The following CTNNA3 variants were observed in gnomAD, a reference collection of about 807,000 sequenced individuals.
The protein encoded by CTNNA3 is catenin alpha-3.
A neutral mutation model predicts 95.7 loss-of-function variants in CTNNA3; 76 were observed. The ratio of observed to expected loss-of-function variants is 0.79; its 90% CI spans 0.66 to 0.96. CTNNA3 has a LOEUF of 0.96. Among genes scored for constraint, CTNNA3 ranks in the 40% least tolerant of loss-of-function variants. The probability of loss-of-function intolerance (pLI) is 0.00; values close to 1 mark genes in which losing one functional copy is unlikely to be tolerated. For synonymous variants in CTNNA3, 431 were observed against 374.4 expected, an observed-to-expected ratio of 1.15 and a Z score of -1.74; for missense variants, 1,191 against 1,089.8, an observed-to-expected ratio of 1.09 and a Z score of -1.31.
intron 1 of CTNNA3, among the ~76,000 whole-genome samples, chr10:67,693,177 A>G (rs529055401): frequency 1.3e-5 from 2 of 152,364 alleles, no homozygotes; most frequent in East Asian, 1.9e-4. Flanking sequence ...GGTTAAAAAC[A>G]GTATTTAAGC....
intron 13 of CTNNA3, among the ~76,000 whole-genome samples, chr10:66,142,477 G>T (rs1451013280): frequency 6.6e-6 from 1 of 151,896 alleles, no homozygotes; most frequent in African/African-American, 2.4e-5. Flanking sequence ...ATATTGTCTT[G>T]TCTATTCCAG....
At chr10:67,429,083 T>G (rs1421168425) in intron 5 of CTNNA3, among the ~76,000 whole-genome samples, 3 of 152,056 alleles carry the variant, frequency 2.0e-5, no homozygotes, top group African/African-American at 4.8e-5. Flanking sequence ...TTATGATGTT[T>G]GTTTTTATCC....
At chr10:66,970,492 T>C (rs1325248654) in intron 7 of CTNNA3, among the ~76,000 whole-genome samples, 4 of 114,868 alleles carry the variant, frequency 3.5e-5, no homozygotes, top group South Asian at 3.0e-4. Flanking sequence ...AAAAGGTCTA[T>C]ATTCTTGGGT....
At chr10:67,358,085 C>G (rs564740503) in intron 5 of CTNNA3, among the ~76,000 whole-genome samples, 5 of 150,306 alleles carry the variant, frequency 3.3e-5, no homozygotes, top group Non-Finnish European at 7.4e-5. Context: ...TAACCATATG[C>G]AAAAAAAAAT....
chr10:66,803,960 GTTTTT>G (rs199784517), intron 7 of CTNNA3, among the ~76,000 whole-genome samples: 1 of 135,100 alleles, frequency 7.4e-6, no homozygotes, highest in Admixed American at 7.4e-5. Context: ...GATGCCAGTT[GTTTTT>G]TTTTTTTTTA....
chr10:66,286,338 G>C (rs1406995788), intron 12 of CTNNA3, among the ~76,000 whole-genome samples: 1 of 151,866 alleles, frequency 6.6e-6, no homozygotes, highest in African/African-American at 2.4e-5. Flanking sequence ...CCAGGGATCT[G>C]GTTTCTGCTA....
At chr10:67,137,001 G>C (rs745481026) in intron 7 of CTNNA3, among the ~76,000 whole-genome samples, 14 of 152,178 alleles carry the variant, frequency 9.2e-5, no homozygotes, top group Non-Finnish European at 1.8e-4. Context: ...TCCAACATCA[G>C]AGTAGAAACA....
chr10:66,377,948 C>T (rs552937780), intron 12 of CTNNA3, among the ~76,000 whole-genome samples: 6 of 152,168 alleles, frequency 3.9e-5, no homozygotes, highest in African/African-American at 1.2e-4. Flanking sequence ...TTTATCTTTC[C>T]TTACCACATT....
At chr10:66,503,990 T>C (rs1472997882) in intron 11 of CTNNA3, among the ~76,000 whole-genome samples, 1 of 152,196 alleles carries the variant, frequency 6.6e-6, no homozygotes, top group Non-Finnish European at 1.5e-5. Flanking sequence ...TATGTATATA[T>C]TATAGAATGG....
intron 5 of CTNNA3, among the ~76,000 whole-genome samples, chr10:67,262,560 G>C (rs1866662749): frequency 6.6e-6 from 1 of 152,080 alleles, no homozygotes; most frequent in Admixed American, 6.6e-5. Context: ...AGAGGTCTAG[G>C]ATCTGTGGAT....
At chr10:66,438,612 C>G (rs2093354279) in intron 11 of CTNNA3, among the ~76,000 whole-genome samples, 1 of 152,110 alleles carries the variant, frequency 6.6e-6, no homozygotes, top group African/African-American at 2.4e-5. Context: ...GAATTTCAAG[C>G]CATGGAGCTT....
intron 13 of CTNNA3, among the ~76,000 whole-genome samples, chr10:66,234,639 A>C (rs998942051): frequency 1.3e-5 from 2 of 152,240 alleles, no homozygotes; most frequent in Non-Finnish European, 2.9e-5. Flanking sequence ...GGTGACCTAC[A>C]TCCCTAAGGC....
intron 7 of CTNNA3, among the ~76,000 whole-genome samples, chr10:66,891,083 A>T (rs1178824372): frequency 6.6e-6 from 1 of 152,106 alleles, no homozygotes; most frequent in Admixed American, 6.5e-5. Flanking sequence ...CCATATCTCC[A>T]ATCCAAATCT....
chr10:66,061,853 T>A (rs1334706927), intron 15 of CTNNA3, among the ~76,000 whole-genome samples: 1 of 152,136 alleles, frequency 6.6e-6, no homozygotes, highest in Admixed American at 6.6e-5. Flanking sequence ...TCTTCCAAAA[T>A]CCTAACAGAT....
In CTNNA3 at chr10:67,695,709, T is replaced by A. The variant is rs1840951064; in HGVS notation, c.-6+291A>T. Among the ~76,000 whole-genome samples the A allele has an allele frequency of 3.3e-5, 5 of 152,290 alleles. No homozygotes were observed. The South Asian group carries it at 8.3e-4, about 25-fold the overall frequency. ...ATATCTTATCTTTTCCTGCACAGTA[T>A]CCAATCGGCTTTTTATAGCCAGAAA... is the stretch of plus-strand genomic sequence containing the variant. On this transcript the variant is annotated intron_variant, in intron 1 of 17. Coordinates refer to ENST00000433211, the MANE Select transcript of CTNNA3 (RefSeq NM_013266.4).
intron 5 of CTNNA3, among the ~76,000 whole-genome samples, chr10:67,454,045 T>C (rs372983473): frequency 6.6e-6 from 1 of 152,164 alleles, no homozygotes; most frequent in South Asian, 2.1e-4. Context: ...AAATAAAATA[T>C]GCATTGGATA....
At chr10:67,629,996 G>T (rs1191683240) in intron 2 of CTNNA3, among the ~76,000 whole-genome samples, 1 of 152,082 alleles carries the variant, frequency 6.6e-6, no homozygotes, top group Non-Finnish European at 1.5e-5. Flanking sequence ...GATGCTAACG[G>T]GACCAATTCA....
At chr10:67,254,628 C>T (rs1479939256) in intron 5 of CTNNA3, among the ~76,000 whole-genome samples, 3 of 152,186 alleles carry the variant, frequency 2.0e-5, no homozygotes, top group Non-Finnish European at 4.4e-5. Flanking sequence ...TAGTCAACGA[C>T]AAACCACATA....
At chr10:66,297,704 C>T (rs77712459) in intron 12 of CTNNA3, among the ~76,000 whole-genome samples, 5,397 of 152,212 alleles carry the variant, frequency 0.035, 151 homozygotes, top group Non-Finnish European at 0.053. Context: ...CAGAGTTAAG[C>T]AGTCACTGCA....
Sources: gnomAD v4.1 joint callset for allele counts (sites outside exome capture counted in the v4.1 genomes callset) on GRCh38, gnomAD v4.1.1 for gene constraint, MANE v1.5 for transcripts, NCBI Gene and HGNC (gene_info 2026-07-23, HGNC 2026-07-21) for gene names.